The following GMDS variants were observed in gnomAD, a reference collection of about 807,000 sequenced individuals.
GMDS encodes GDP-mannose 4,6-dehydratase.
A neutral mutation model predicts 49.9 loss-of-function variants in GMDS; 20 were observed. The ratio of observed to expected loss-of-function variants is 0.40; its 90% confidence interval spans 0.28 to 0.58. The LOEUF is 0.58. GMDS is among the 20% of genes least tolerant of loss of function. The pLI is 0.42. For missense variants in GMDS, 362 were observed against 481.4 expected (o/e 0.75, Z 2.32); for synonymous variants, 177 against 178.6 (o/e 0.99, Z 0.07).
chr6:1,911,206 GA>G (rs1761037493), intron 7 of GMDS, among the ~76,000 whole-genome samples: 1 of 152,190 alleles, frequency 6.6e-6, no homozygotes, highest in Non-Finnish European at 1.5e-5. Flanking sequence ...CAGAGCTGGG[GA>G]AACTGTCTCC....
intron 1 of GMDS, among the ~76,000 whole-genome samples, chr6:2,162,515 G>A (rs9503112): frequency 0.084 from 12,718 of 152,136 alleles, 1,776 homozygotes; most frequent in African/African-American, 0.29. Flanking sequence ...CAGAAAAAAG[G>A]AGTAGACCTT....
At position 1,766,868 on chromosome 6, in the gene GMDS, G is replaced by GTCAGCTAGGTCTCCCAGC. The variant is rs1768376070; in HGVS notation, c.772-24300_772-24283dup. Among the ~76,000 whole-genome samples the GTCAGCTAGGTCTCCCAGC allele has an allele frequency of 6.6e-6, 1 of 152,240 alleles. No homozygotes were observed. Among genetic ancestry groups the GTCAGCTAGGTCTCCCAGC allele is most frequent in the African/African-American group, 2.4e-5 (1 of 41,460 alleles). ...AAAGCCTGGCAATGGGCCAGATCTG[G>GTCAGCTAGGTCTCCCAGC]TCAGCTAGGTCTCCCAGCTCAGCAA... On this transcript the variant is annotated intron_variant, in intron 7 of 10. Transcript: ENST00000380815. This position sits in a 1 kb window ranked among gnomAD's most constrained non-coding sequence, Gnocchi z 4.5.
chr6:1,907,369 A>G (rs1390134341), intron 7 of GMDS, among the ~76,000 whole-genome samples: 1 of 152,242 alleles, frequency 6.6e-6, no homozygotes, highest in Non-Finnish European at 1.5e-5. Flanking sequence ...TTAAGCCAAC[A>G]AAACAAACTT....
chr6:1,879,521 G>C (rs1459955678), intron 7 of GMDS, among the ~76,000 whole-genome samples: 2 of 151,180 alleles, frequency 1.3e-5, no homozygotes, highest in Admixed American at 1.3e-4. Flanking sequence ...TTTATGTTAA[G>C]CTAAAAACTA....
At chr6:2,012,901 T>C (rs1224285917) in intron 4 of GMDS, among the ~76,000 whole-genome samples, 2 of 152,146 alleles carry the variant, frequency 1.3e-5, no homozygotes, top group Non-Finnish European at 2.9e-5. Context: ...AGTTTTGAAA[T>C]ACACCAAGGG....
chr6:2,240,909 A>G (rs2127601829), intron 1 of GMDS, among the ~76,000 whole-genome samples: 1 of 152,326 alleles, frequency 6.6e-6, no homozygotes, highest in South Asian at 2.1e-4. Flanking sequence ...CAAATCTACA[A>G]CCTGGTCATG....
chr6:1,755,353 C>T (rs1464521310), intron 7 of GMDS, among the ~76,000 whole-genome samples: 1 of 152,050 alleles, frequency 6.6e-6, no homozygotes, highest in African/African-American at 2.4e-5. Flanking sequence ...AGCTATAAAC[C>T]ACTGCTCAAG....
intron 1 of GMDS, among the ~76,000 whole-genome samples, chr6:2,180,278 C>A (rs1214309124): frequency 1.3e-5 from 2 of 152,118 alleles, no homozygotes; most frequent in Non-Finnish European, 2.9e-5. Flanking sequence ...GAGCACAAAC[C>A]AAACATAAAG....
At chr6:1,866,833 G>C (rs1404704733) in intron 7 of GMDS, among the ~76,000 whole-genome samples, 1 of 152,184 alleles carries the variant, frequency 6.6e-6, no homozygotes, top group Non-Finnish European at 1.5e-5. Flanking sequence ...CCTATGGTCA[G>C]CACATACAGC....
In GMDS at chr6:1,707,493, G is replaced by A. The variant is rs149734714; in HGVS notation, c.987+18923C>T. Reference sequence around the variant, plus strand: ...GCTCCAGAGCCCTCTCCTCCATGGCGTTGTCCAGGGTGAGCAACCAGATGG... The same window carrying A: ...GCTCCAGAGCCCTCTCCTCCATGGCATTGTCCAGGGTGAGCAACCAGATGG... On this transcript the variant is annotated intron_variant, in intron 9 of 10. Transcript: ENST00000380815. Among the ~76,000 whole-genome samples, 37 of 146,630 alleles carry A rather than the reference G, an allele frequency of 2.5e-4. No individual in the cohort carries two copies. The East Asian group carries it at 6.2e-3, about 25-fold the overall frequency.
intron 4 of GMDS, among the ~76,000 whole-genome samples, chr6:1,991,689 T>C (rs892327176): frequency 1.3e-5 from 2 of 152,236 alleles, no homozygotes; most frequent in Admixed American, 1.3e-4. Context: ...CAGGGCTTCG[T>C]TCATGTTGCC....
intron 4 of GMDS, among the ~76,000 whole-genome samples, chr6:2,085,703 T>C (rs35831978): frequency 0.014 from 2,093 of 152,198 alleles, 34 homozygotes; most frequent in Non-Finnish European, 0.022. Flanking sequence ...AATTTTTGTA[T>C]TTTTTGTAGA....
chr6:1,975,814 C>T (rs2127333576), intron 4 of GMDS, among the ~76,000 whole-genome samples: 1 of 152,204 alleles, frequency 6.6e-6, no homozygotes, highest in East Asian at 1.9e-4. Flanking sequence ...TCCTCAGTTT[C>T]CTAAAGACAC....
intron 1 of GMDS, among the ~76,000 whole-genome samples, chr6:2,215,990 A>C (rs1780317211): frequency 6.6e-6 from 1 of 152,210 alleles, no homozygotes; most frequent in South Asian, 2.1e-4. Context: ...GGATCACGGA[A>C]ACATAGAGCT....
At chr6:1,767,370 C>T (rs762530201) in intron 7 of GMDS, among the ~76,000 whole-genome samples, 16 of 152,248 alleles carry the variant, frequency 1.1e-4, no homozygotes, top group Middle Eastern at 6.8e-3. Flanking sequence ...TACCAGTTCA[C>T]CTTAAAGTAA....
intron 1 of GMDS, among the ~76,000 whole-genome samples, chr6:2,142,259 G>A (rs1184398595): frequency 1.3e-5 from 2 of 152,074 alleles, no homozygotes; most frequent in Admixed American, 1.3e-4. Context: ...GTTATAGGTC[G>A]AATTCTGTCC....
intron 4 of GMDS, among the ~76,000 whole-genome samples, chr6:2,060,055 A>C (rs967211381): frequency 2.6e-5 from 4 of 152,088 alleles, no homozygotes; most frequent in African/African-American, 9.7e-5. Context: ...TCATTTTTTC[A>C]CTAAGCTACG....
intron 7 of GMDS, among the ~76,000 whole-genome samples, chr6:1,863,990 T>A (rs1758323892): frequency 6.6e-6 from 1 of 152,184 alleles, no homozygotes; most frequent in Admixed American, 6.5e-5. Context: ...GTGGCCATTT[T>A]CAATTGATAC....
intron 1 of GMDS, among the ~76,000 whole-genome samples, chr6:2,148,335 G>A (rs1014565262): frequency 2.6e-5 from 4 of 152,108 alleles, no homozygotes; most frequent in African/African-American, 9.7e-5. Flanking sequence ...GTCGTAAGCC[G>A]GGCAGCAAAG....
Sources: allele counts gnomAD v4.1 joint callset (sites outside exome capture counted in the v4.1 genomes callset), GRCh38; gene constraint gnomAD v4.1.1; non-coding constraint Gnocchi (gnomAD v3.1); transcripts MANE v1.5; gene names NCBI Gene and HGNC (gene_info 2026-07-23, HGNC 2026-07-21).